The following ZBTB40 variants were observed in gnomAD, a reference collection of about 807,000 sequenced individuals.
ZBTB40 encodes the protein zinc finger and BTB domain containing 40.
Under a neutral mutation model 117.5 loss-of-function variants are expected in ZBTB40, and 60 were observed. That is an observed-to-expected ratio of 0.51 (90% CI 0.41 to 0.63). The LOEUF (loss-of-function observed/expected upper bound fraction) is 0.63, where lower values mean the gene tolerates loss of function less well. ZBTB40 is among the 30% of genes least tolerant of loss of function. The pLI is 0.00. For missense variants in ZBTB40, 1,287 were observed against 1,498.5 expected, an observed-to-expected ratio of 0.86 and a Z score of 2.33; for synonymous variants, 525 against 577.1, an observed-to-expected ratio of 0.91 and a Z score of 1.29.
Position 22,530,150 on chromosome 1 carries a change from T to A in ZBTB40, c.*3754T>A, listed in dbSNP as rs116425363. 4,183 of 152,284 alleles carry A rather than the reference T, an allele frequency of 0.027. 219 individuals carry two copies. The highest frequency in any genetic ancestry group is 0.096 in the African/African-American group (3,985 of 41,428). 9.4% of individuals were successfully genotyped at this position (152,284 alleles called of 1,614,324 possible). On this transcript the variant is annotated 3_prime_UTR_variant, in exon 18 of 18. Transcript: ENST00000375647. Reference sequence around the variant, plus strand: ...TCCAGGGAGACAAGCAGCATGTTATTAAATTGGGCCTAGGCAGTTGGACGA... The same window carrying A: ...TCCAGGGAGACAAGCAGCATGTTATAAAATTGGGCCTAGGCAGTTGGACGA...
At position 22,501,807 on chromosome 1, in the gene ZBTB40, C is replaced by T; in HGVS notation, c.1024+123C>T. ...TTAAGTGGTTTTCACATAAGTTTCA[C>T]ATGTAAATTCCAGAAGCTGCATGTT... is the stretch of plus-strand genomic sequence containing the variant. On this transcript the variant is annotated intron_variant, in intron 4 of 17. Transcript: ENST00000375647. 2.7e-6 allele frequency: 3 copies of T among 1,108,242 alleles called. No individual in the cohort carries two copies. In the South Asian group the frequency reaches 4.0e-5, roughly 15 times the overall value. 68.7% of individuals were successfully genotyped at this position (1,108,242 alleles called of 1,614,324 possible). A position where few individuals can be genotyped will look rare whatever the true frequency, so the allele number is the denominator to read the frequency against.
intron 8 of ZBTB40, 130 bp from the exon 9 acceptor site, chr1:22,508,970 C>G: frequency 6.8e-7 from 1 of 1,466,900 alleles, no homozygotes; most frequent in South Asian, 1.1e-5. Flanking sequence ...TGCCGTTTTC[C>G]CCACTGCCAA....
At chr1:22,506,394 G>A (rs990575368) in intron 6 of ZBTB40, among the ~76,000 whole-genome samples, 153 bp downstream of exon 6, 3 of 152,078 alleles carry the variant, frequency 2.0e-5, no homozygotes. Context: ...GATAATTCTC[G>A]ATCTCTCTGG....
intron 1 of ZBTB40, among the ~76,000 whole-genome samples, chr1:22,438,027 G>A (rs1195308870): frequency 1.3e-5 from 2 of 152,080 alleles, no homozygotes; most frequent in African/African-American, 4.8e-5. Flanking sequence ...CTACTTGGGA[G>A]ACTGAGGCAG....
chr1:22,516,272 G>C (rs1329838126), intron 12 of ZBTB40, among the ~76,000 whole-genome samples: 2 of 152,166 alleles, frequency 1.3e-5, no homozygotes, highest in African/African-American at 4.8e-5. Context: ...AAGTATGTTA[G>C]TTTATCCTGC....
rs1639815612 is a variant in ZBTB40 at position 22,531,076 on chromosome 1, G to A, written c.*4680G>A. The A allele has an allele frequency of 6.6e-6, 1 of 152,136 alleles. No homozygotes were observed. 9.4% of individuals were successfully genotyped at this position (152,136 alleles called of 1,614,324 possible). On this transcript the variant is annotated 3_prime_UTR_variant, in exon 18 of 18. Coordinates refer to ENST00000375647, the MANE Select transcript of ZBTB40 (RefSeq NM_014870.4). ...ATTGTGCTTGCCCTACAGAATTGTA[G>A]TATGAATTAAAAGTCTGGATTTAAT...
At position 22,433,116 on chromosome 1, in the gene ZBTB40, A is replaced by G. The variant is rs550740273; in HGVS notation, c.-70+4102A>G. ...TCGAAAATGTTTGGGGAAAAAATAC[A>G]AAAGAACAACACAATCATAGAAAAT... On this transcript the variant is annotated intron_variant, in intron 1 of 8. Coordinates refer to the ZBTB40 transcript ENST00000650433. 2.2e-4 allele frequency among the ~76,000 whole-genome samples: 33 copies of G among 152,234 alleles called. No homozygotes were observed. The South Asian group carries it at 6.8e-3, about 32-fold the overall frequency.
In ZBTB40 at chr1:22,513,761, C is replaced by T. The variant is rs955392773; in HGVS notation, c.2668+631C>T. Among the ~76,000 whole-genome samples the T allele has an allele frequency of 5.3e-5, 8 of 152,198 alleles. No homozygotes were observed. Among genetic ancestry groups the T allele is most frequent in the Middle Eastern group, 3.4e-3 (1 of 294 alleles). ...AATGCACAACCTCTAGGCAAACAGA[C>T]GACTGGGAATAGCTCTGTGCACAGA... On this transcript the variant is annotated intron_variant, in intron 12 of 17. Coordinates refer to ENST00000375647, the MANE Select transcript of ZBTB40 (RefSeq NM_014870.4). The surrounding 1 kb of genome is among the most constrained non-coding windows in gnomAD (Gnocchi z 4.9).
intron 1 of ZBTB40, among the ~76,000 whole-genome samples, chr1:22,460,450 A>G (rs1641104521): frequency 6.6e-6 from 1 of 152,220 alleles, no homozygotes; most frequent in African/African-American, 2.4e-5. Context: ...CATGTTGATA[A>G]TAATAGTTAC....
rs2124429661 is a variant in ZBTB40 at position 22,490,045 on chromosome 1, A to G, written c.97A>G (p.Ile33Val). 1.9e-6 allele frequency: 3 copies of G among 1,614,010 alleles called. No homozygotes were observed. In the East Asian group the frequency reaches 6.7e-5, roughly 36 times the overall value. The change falls in exon 2 of 18, where the codon ATT (isoleucine) becomes GTT (valine). Residue 33 changes from isoleucine to valine, a missense_variant. Physicochemically the swap from Ile to Val is conservative, Grantham distance 29. Transcript: ENST00000375647. The stretch of plus-strand genomic sequence containing the variant: ...TGATTGCACCATCTCCATTGGTACC[A>G]TTTACTTCAGGGCTCACAAGCTTGT... ...FCDCTISIGT[I>V]YFRAHKLVLA...
chr1:22,522,360 C>A lies in ZBTB40; in HGVS notation c.3212-17C>A. 2 of 1,613,812 alleles carry A rather than the reference C, an allele frequency of 1.2e-6. No individual in the cohort carries two copies. The highest frequency in any genetic ancestry group is 1.7e-6 in the Non-Finnish European group (2 of 1,179,690). Reference sequence around the variant, plus strand: ...ATTTGTTCTTTCCCAGCACGTCTTTCTTTATGCACTTCACAGATATGAAGT... The same window carrying A: ...ATTTGTTCTTTCCCAGCACGTCTTTATTTATGCACTTCACAGATATGAAGT... On this transcript the variant is annotated splice_polypyrimidine_tract_variant and intron_variant, in intron 15 of 17. Coordinates refer to ENST00000375647, the MANE Select transcript of ZBTB40 (RefSeq NM_014870.4).
intron 5 of ZBTB40, among the ~76,000 whole-genome samples, chr1:22,504,536 C>A (rs955877349): frequency 6.6e-6 from 1 of 152,126 alleles, no homozygotes; most frequent in African/African-American, 2.4e-5. Context: ...CTGTTTGGGG[C>A]TGGTAATAAG....
chr1:22,471,801 A>G (rs1641412341), intron 1 of ZBTB40, among the ~76,000 whole-genome samples: 1 of 152,220 alleles, frequency 6.6e-6, no homozygotes, highest in African/African-American at 2.4e-5. Flanking sequence ...TGAGCTTGAC[A>G]GCTGTAGTCA....
intron 17 of ZBTB40, among the ~76,000 whole-genome samples, chr1:22,524,995 T>C (rs10917247): frequency 0.34 from 51,392 of 152,180 alleles, 9,301 homozygotes; most frequent in East Asian, 0.52. Context: ...GGAAAATAAA[T>C]TCAGGTCCAT....
intron 3 of ZBTB40, among the ~76,000 whole-genome samples, chr1:22,498,084 T>C (rs921306840): frequency 1.3e-5 from 2 of 152,200 alleles, no homozygotes; most frequent in African/African-American, 4.8e-5. Flanking sequence ...TTTTCACTTA[T>C]AGAGGGAAAA....
In ZBTB40 at chr1:22,526,438, A is replaced by G. The variant is rs1380512317; in HGVS notation, c.*42A>G. 6.2e-7 allele frequency: 1 copy of G among 1,611,500 alleles called. No individual in the cohort carries two copies. The highest frequency in any genetic ancestry group is 8.5e-7 in the Non-Finnish European group (1 of 1,179,678). On this transcript the variant is annotated 3_prime_UTR_variant, in exon 18 of 18. Transcript: ENST00000375647. ...CAGAGCCTTCCTGCGTTTGCAGCAGAGAGGAGGCCCCACAGCTTGCCCTTT... is the reference window on the plus strand; with the variant it reads ...CAGAGCCTTCCTGCGTTTGCAGCAGGGAGGAGGCCCCACAGCTTGCCCTTT...
Position 22,526,659 on chromosome 1 carries a change from C to T in ZBTB40, c.*263C>T, listed in dbSNP as rs1038342286. 1.1e-5 allele frequency: 5 copies of T among 466,322 alleles called. No individual in the cohort carries two copies. The highest frequency in any genetic ancestry group is 1.0e-4 in the South Asian group (5 of 49,748). 28.9% of individuals were successfully genotyped at this position (466,322 alleles called of 1,614,324 possible). A position where few individuals can be genotyped will look rare whatever the true frequency, so the allele number is the denominator to read the frequency against. On this transcript the variant is annotated 3_prime_UTR_variant, in exon 18 of 18. Coordinates refer to ENST00000375647, the MANE Select transcript of ZBTB40 (RefSeq NM_014870.4). ...AGGCCCGCTGCTGCGGCCTCTATGA[C>T]ACTGTCCATCCCCAAGTGACATGTG...
intron 5 of ZBTB40, among the ~76,000 whole-genome samples, chr1:22,505,572 G>T (rs554993096): frequency 6.6e-6 from 1 of 152,280 alleles, no homozygotes; most frequent in South Asian, 2.1e-4. Context: ...TGAGTATTCA[G>T]ATTACTATGC....
intron 1 of ZBTB40, among the ~76,000 whole-genome samples, chr1:22,466,718 C>T (rs1261691529): frequency 6.6e-6 from 1 of 151,446 alleles, no homozygotes; most frequent in Non-Finnish European, 1.5e-5. Context: ...ATCCTTTGCC[C>T]ATTTTAAAAT....
Sources: gnomAD v4.1 joint callset for allele counts (sites outside exome capture counted in the v4.1 genomes callset) on GRCh38, gnomAD v4.1.1 for gene constraint, Gnocchi (gnomAD v3.1) non-coding constraint, MANE v1.5 for transcripts, NCBI Gene and HGNC (gene_info 2026-07-23, HGNC 2026-07-21) for gene names.